Variants in GRAMD1B observed in about 807,000 individuals in gnomAD.
The protein encoded by GRAMD1B is GRAM domain containing 1B, also known as protein Aster-B.
Under a neutral mutation model 99.7 loss-of-function variants are expected in GRAMD1B, and 37 were observed. The observed-to-expected ratio is 0.37, with a 90% CI of 0.29 to 0.49. GRAMD1B has a LOEUF of 0.49. Among genes scored for constraint, GRAMD1B ranks in the 20% least tolerant of loss-of-function variants. The pLI, the probability that GRAMD1B is intolerant of heterozygous loss-of-function variation, is 0.98. For synonymous variants in GRAMD1B, 427 were observed against 387.6 expected (o/e 1.10, Z -1.19); for missense variants, 888 against 1,009.2 (o/e 0.88, Z 1.63).
chr11:123,474,822 C>T (rs1475594575), intron 1 of GRAMD1B, among the ~76,000 whole-genome samples: 1 of 152,198 alleles, frequency 6.6e-6, no homozygotes, highest in Non-Finnish European at 1.5e-5. Context: ...GAGATTGCCT[C>T]AGTTGCAGCC....
At chr11:123,617,327 G>A (rs918828117) in intron 17 of GRAMD1B, among the ~76,000 whole-genome samples, 1 of 151,982 alleles carries the variant, frequency 6.6e-6, no homozygotes, top group Admixed American at 6.5e-5. Flanking sequence ...GGGACCACAG[G>A]TGCATGTCAC....
chr11:123,558,042 G>T (rs561761952), intron 2 of GRAMD1B, among the ~76,000 whole-genome samples: 39 of 146,750 alleles, frequency 2.7e-4, no homozygotes, highest in Non-Finnish European at 4.3e-4. Context: ...GGAGTGCAGT[G>T]GTGCGATCAT....
chr11:123,375,380 A>G (rs10893031), intron 1 of GRAMD1B, among the ~76,000 whole-genome samples: 70,258 of 151,994 alleles, frequency 0.46, 21,016 homozygotes, highest in African/African-American at 0.86. Context: ...GCAACATAGC[A>G]ACATCTGGTT....
chr11:123,361,966 G>T (rs1165321938), intron 1 of GRAMD1B, among the ~76,000 whole-genome samples: 1 of 152,234 alleles, frequency 6.6e-6, no homozygotes, highest in Admixed American at 6.5e-5. Context: ...GTAGGCATGA[G>T]AATAGAATTT....
intron 17 of GRAMD1B, chr11:123,618,235 T>C (rs1231706023): frequency 2.3e-6 from 2 of 867,338 alleles, no homozygotes; most frequent in Non-Finnish European, 3.9e-6. Flanking sequence ...TTTTTTCTCA[T>C]ATACTCTCAC....
At position 123,492,088 on chromosome 11, in the gene GRAMD1B, C is replaced by CA. The variant is rs1769484141; in HGVS notation, c.452+11197dup. The CA allele has an allele frequency of 5.1e-6, 2 of 393,938 alleles. No homozygotes were observed. The highest frequency in any genetic ancestry group is 8.9e-5 in the Admixed American group (2 of 22,534). The allele number at this position is 393,938 out of a possible 1,614,324, so 24.4% of individuals were successfully genotyped here. ...ATTGCAAGAGGCTGAAGGGAAAGGCCAAGGGGTATGGGTGGCTGGGATGTT... is the reference window on the plus strand; with the variant it reads ...ATTGCAAGAGGCTGAAGGGAAAGGCCAAAGGGGTATGGGTGGCTGGGATGTT... On this transcript the variant is annotated intron_variant, in intron 2 of 19. Transcript: ENST00000635736. This position sits in a 1 kb window ranked among gnomAD's most constrained non-coding sequence, Gnocchi z 4.2.
chr11:123,377,872 A>T (rs1946742900), intron 1 of GRAMD1B, among the ~76,000 whole-genome samples: 1 of 152,184 alleles, frequency 6.6e-6, no homozygotes, highest in Admixed American at 6.5e-5. Flanking sequence ...TTCCACCACC[A>T]TGCGCTTCCA....
Position 123,492,859 on chromosome 11 carries a change from C to T in GRAMD1B, c.452+11966C>T, listed in dbSNP as rs1038299853. ...TCTCTCTCTCTCTGTCTCTCTCTTT[C>T]ACACATACACACACACACACACACA... On this transcript the variant is annotated intron_variant, in intron 2 of 19. Coordinates refer to ENST00000635736, the MANE Select transcript of GRAMD1B (RefSeq NM_001387025.1). The surrounding 1 kb of genome is among the most constrained non-coding windows in gnomAD (Gnocchi z 4.2). Among the ~76,000 whole-genome samples the T allele has an allele frequency of 4.5e-4, 22 of 49,366 alleles. No homozygotes were observed. In the African/African-American group the frequency reaches 5.8e-3, roughly 13 times the overall value. The allele number at this position is 49,366 out of a possible 152,430, so 32.4% of individuals were successfully genotyped here. A position where few individuals can be genotyped will look rare whatever the true frequency, so the allele number is the denominator to read the frequency against.
rs778432114 is a variant in GRAMD1B at position 123,610,838 on chromosome 11, A to C, written c.1919+500A>C. Among the ~76,000 whole-genome samples, 1 of 152,174 alleles carries C rather than the reference A, an allele frequency of 6.6e-6. No individual in the cohort carries two copies. Among genetic ancestry groups the C allele is most frequent in the Non-Finnish European group, 1.5e-5 (1 of 68,028 alleles). ...CGAGGACAGGAATTCCATTCCACTTACACTTTATTCCCAGCACCCAGCTGG... is the reference window on the plus strand; with the variant it reads ...CGAGGACAGGAATTCCATTCCACTTCCACTTTATTCCCAGCACCCAGCTGG... On this transcript the variant is annotated intron_variant, in intron 14 of 19. Coordinates refer to ENST00000635736, the MANE Select transcript of GRAMD1B (RefSeq NM_001387025.1). The surrounding 1 kb of genome is among the most constrained non-coding windows in gnomAD (Gnocchi z 4.1).
At chr11:123,427,794 G>C (rs1948706655), upstream of GRAMD1B, among the ~76,000 whole-genome samples, 1 of 152,222 alleles carries the variant, frequency 6.6e-6, no homozygotes, top group African/African-American at 2.4e-5. Flanking sequence ...CCTGCTTGGA[G>C]GTTTTCCCTC....
chr11:123,475,066 A>G (rs1427047680), intron 1 of GRAMD1B, among the ~76,000 whole-genome samples: 1 of 152,180 alleles, frequency 6.6e-6, no homozygotes, highest in African/African-American at 2.4e-5. Flanking sequence ...AGGTTGCCAT[A>G]TTCCGTCTTT....
chr11:123,477,785 TTG>T (rs1491053549), intron 1 of GRAMD1B, among the ~76,000 whole-genome samples: 1,197 of 96,824 alleles, frequency 0.012, 19 homozygotes, highest in African/African-American at 0.037. Context: ...TTCTCTTTTT[TTG>T]TTTTTCAGAT....
intron 1 of GRAMD1B, among the ~76,000 whole-genome samples, chr11:123,386,952 G>T (rs1478630986): frequency 6.6e-6 from 1 of 152,232 alleles, no homozygotes. Flanking sequence ...TTCAGTTTGT[G>T]TGAGGGAAAC....
At chr11:123,578,646 C>T (rs117207290) in intron 3 of GRAMD1B, among the ~76,000 whole-genome samples, 2,224 of 152,278 alleles carry the variant, frequency 0.015, 52 homozygotes, top group Admixed American at 0.062. Context: ...AACAGACCCT[C>T]CCCCACTCCC....
At chr11:123,405,445 TTTA>T (rs1947823461) in intron 1 of GRAMD1B, among the ~76,000 whole-genome samples, 1 of 151,984 alleles carries the variant, frequency 6.6e-6, no homozygotes, top group East Asian at 1.9e-4. Context: ...GACTTGCTAT[TTTA>T]TGTAGAGATG....
At chr11:123,429,405 T>C (rs1426970784), upstream of GRAMD1B, among the ~76,000 whole-genome samples, 2 of 151,920 alleles carry the variant, frequency 1.3e-5, no homozygotes, top group Non-Finnish European at 2.9e-5. The surrounding 1 kb of genome is among the most constrained non-coding windows in gnomAD (Gnocchi z 4.0). Context: ...GTTCAGCACA[T>C]CTTGGGATGC....
chr11:123,508,461 C>T (rs1414748696), intron 2 of GRAMD1B, among the ~76,000 whole-genome samples: 3 of 152,182 alleles, frequency 2.0e-5, no homozygotes, highest in African/African-American at 7.2e-5. Flanking sequence ...AGTTTGGACA[C>T]TCAAACTATA....
At chr11:123,608,823 A>AC in intron 12 of GRAMD1B, 21 bp downstream of exon 12, 6 of 1,428,594 alleles carry the variant, frequency 4.2e-6, no homozygotes, top group East Asian at 2.5e-5. Flanking sequence ...CTGGGACTGT[A>AC]CCCCCCATTC....
At chr11:123,546,752 C>T (rs1272614251) in intron 2 of GRAMD1B, among the ~76,000 whole-genome samples, 6 of 152,198 alleles carry the variant, frequency 3.9e-5, no homozygotes, top group African/African-American at 1.2e-4. Context: ...TCCTCCAGGG[C>T]GTGTCTGTGG....
Sources: gnomAD v4.1 joint callset for allele counts (sites outside exome capture counted in the v4.1 genomes callset) on GRCh38, gnomAD v4.1.1 for gene constraint, Gnocchi (gnomAD v3.1) non-coding constraint, MANE v1.5 for transcripts, NCBI Gene and HGNC (gene_info 2026-07-23, HGNC 2026-07-21) for gene names.